Variants in NEDD4 observed in about 807,000 individuals in gnomAD.
NEDD4 encodes the protein E3 ubiquitin-protein ligase NEDD4.
NEDD4 carries 99 observed loss-of-function variants against 144.9 expected under a neutral mutation model. The observed-to-expected ratio is 0.68, with a 90% confidence interval of 0.58 to 0.81. The LOEUF (loss-of-function observed/expected upper bound fraction) is 0.81. Among genes scored for constraint, NEDD4 ranks in the 30% least tolerant of loss-of-function variants. NEDD4 has a pLI of 0.00. For synonymous variants in NEDD4, 318 were observed against 350.6 expected (o/e 0.91, Z 1.04); for missense variants, 985 against 1,065.9 (o/e 0.92, Z 1.06).
intron 17 of NEDD4, among the ~76,000 whole-genome samples, chr15:55,847,707 C>T (rs1304482029): frequency 7.0e-6 from 1 of 143,206 alleles, no homozygotes; most frequent in Non-Finnish European, 1.5e-5. Flanking sequence ...GATGGAGTCT[C>T]GCTCTGTTGT....
intron 5 of NEDD4, among the ~76,000 whole-genome samples, chr15:55,913,997 T>C (rs2036354062): frequency 6.6e-6 from 1 of 151,980 alleles, no homozygotes; most frequent in South Asian, 2.1e-4. Flanking sequence ...TAAAATCTGG[T>C]TTTAGAAAAG....
rs1255801884 is a variant in NEDD4 at position 55,846,843 on chromosome 15, C to T, written c.1608+126G>A. On this transcript the variant is annotated intron_variant, in intron 18 of 28. Coordinates refer to ENST00000435532, the MANE Select transcript of NEDD4 (RefSeq NM_006154.4). Reference sequence around the variant, plus strand: ...TACTCAAAAAATGAGCATCCTTTCTCTAGGAAAAACTGTTCACTCAAAGTT... The same window carrying T: ...TACTCAAAAAATGAGCATCCTTTCTTTAGGAAAAACTGTTCACTCAAAGTT... 11 of 532,108 alleles carry T rather than the reference C, an allele frequency of 2.1e-5. 1 individual carries two copies. Among genetic ancestry groups the T allele is most frequent in the East Asian group, 1.4e-4 (4 of 28,932 alleles). The allele number at this position is 532,108 out of a possible 1,614,324, so 33.0% of individuals were successfully genotyped here.
intron 2 of NEDD4, among the ~76,000 whole-genome samples, chr15:55,959,485 G>A (rs967128): frequency 0.77 from 117,718 of 152,136 alleles, 45,786 homozygotes; most frequent in African/African-American, 0.84. Context: ...TTCAAGGCCC[G>A]GAATATTGTG....
intron 5 of NEDD4, among the ~76,000 whole-genome samples, chr15:55,922,750 C>G (rs1479379707): frequency 6.6e-6 from 1 of 152,030 alleles, no homozygotes; most frequent in African/African-American, 2.4e-5. Flanking sequence ...AGGACAGTGG[C>G]TAGTACTTGT....
At chr15:55,833,250 A>G in intron 26 of NEDD4, 146 bp from the exon 27 acceptor site, 1 of 587,306 alleles carries the variant, frequency 1.7e-6, no homozygotes, top group South Asian at 2.5e-5. Context: ...TTGTTTATAG[A>G]TGGTTTATAA....
At chr15:55,982,424 A>G (rs541060742) in intron 1 of NEDD4, among the ~76,000 whole-genome samples, 46 of 152,356 alleles carry the variant, frequency 3.0e-4, no homozygotes, top group African/African-American at 1.1e-3. Flanking sequence ...ACTATTCACC[A>G]AGAAAAAGAA....
intron 5 of NEDD4, among the ~76,000 whole-genome samples, chr15:55,906,129 A>G (rs867123980): frequency 4.6e-5 from 7 of 152,262 alleles, no homozygotes; most frequent in Middle Eastern, 3.4e-3. Flanking sequence ...AAGTCAGGAA[A>G]CAACAGGTGC....
At position 55,834,298 on chromosome 15, in the gene NEDD4, A is replaced by G. The variant is rs1376017778; in HGVS notation, c.2263-12T>C. On this transcript the variant is annotated splice_polypyrimidine_tract_variant and intron_variant, in intron 24 of 28. Transcript: ENST00000435532. Reference sequence around the variant, plus strand: ...AGTTCAAAGAATCCCTAGAAAAAAGATGTATTTAAAAACTTGATGGGCAGG... The same window carrying G: ...AGTTCAAAGAATCCCTAGAAAAAAGGTGTATTTAAAAACTTGATGGGCAGG... 2 of 1,585,368 alleles carry G rather than the reference A, an allele frequency of 1.3e-6. No homozygotes were observed. The highest frequency in any genetic ancestry group is 1.7e-6 in the Non-Finnish European group (2 of 1,156,508).
chr15:55,834,250 T>C lies in NEDD4; in HGVS notation c.2299A>G (p.Ile767Val), dbSNP rs1355933359. The C allele has an allele frequency of 8.7e-6, 14 of 1,610,386 alleles. No individual in the cohort carries two copies. Among genetic ancestry groups the C allele is most frequent in the Non-Finnish European group, 1.1e-5 (13 of 1,176,920 alleles). ...FELIPQDLIK[I>V]FDENELELLM... The stretch of plus-strand genomic sequence containing the variant: ...ACCTCTAGTTCATTTTCATCAAAAA[T>C]TTTGATGAGATCCTGTGGTATTAGT... Residue 767 changes from isoleucine to valine, a missense_variant, in exon 25 of 29, where the codon ATT (isoleucine) becomes GTT (valine). By Grantham distance (29) the Ile-to-Val change is conservative. Coordinates refer to ENST00000435532, the MANE Select transcript of NEDD4 (RefSeq NM_006154.4).
At position 55,848,549 on chromosome 15, in the gene NEDD4, T is replaced by C; in HGVS notation, c.1455A>G (p.Thr485=). ...GATTTATGTAGAAGATTCTTCCATC[T>C]GTGTGAGTTCTCTCTTCCCATCCTG... ...LPPGWEERTH[T]DGRIFYINHN... is the part of the protein sequence containing the mutation. Residue 485 remains threonine, a synonymous_variant, in exon 16 of 29, where the codon ACA becomes ACG. Transcript: ENST00000435532. 6.2e-7 allele frequency: 1 copy of C among 1,613,606 alleles called. No homozygotes were observed. The highest frequency in any genetic ancestry group is 1.7e-4 in the Middle Eastern group (1 of 5,876).
At chr15:55,845,583 G>A (rs1255749525) in intron 18 of NEDD4, among the ~76,000 whole-genome samples, 1 of 151,676 alleles carries the variant, frequency 6.6e-6, no homozygotes, top group Non-Finnish European at 1.5e-5. Context: ...CCTGCTGCCT[G>A]GAAGACATTA....
At chr15:55,929,145 A>T (rs1220817399) in intron 4 of NEDD4, among the ~76,000 whole-genome samples, 2 of 152,138 alleles carry the variant, frequency 1.3e-5, no homozygotes, top group Non-Finnish European at 2.9e-5. Context: ...GAAAGAACAG[A>T]GTGTCAAAGC....
intron 1 of NEDD4, among the ~76,000 whole-genome samples, chr15:55,972,347 C>T (rs867784763): frequency 2.0e-4 from 30 of 151,920 alleles, no homozygotes; most frequent in African/African-American, 6.8e-4. Flanking sequence ...TATAATAAGA[C>T]AAAAATAGAA....
chr15:55,886,127 G>A (rs1466938282), intron 5 of NEDD4, among the ~76,000 whole-genome samples: 1 of 151,920 alleles, frequency 6.6e-6, no homozygotes, highest in Non-Finnish European at 1.5e-5. Context: ...ATAACAAATG[G>A]GTCAATTCAA....
At chr15:55,891,571 T>C in intron 5 of NEDD4, among the ~76,000 whole-genome samples, 1 of 152,182 alleles carries the variant, frequency 6.6e-6, no homozygotes, top group East Asian at 1.9e-4. Context: ...TAAAACAAAT[T>C]TGCATTTGGT....
At chr15:55,858,557 C>T (rs1181177693) in intron 11 of NEDD4, among the ~76,000 whole-genome samples, 1 of 152,022 alleles carries the variant, frequency 6.6e-6, no homozygotes, top group African/African-American at 2.4e-5. Flanking sequence ...ATCTATAATC[C>T]CAGCCTCCCA....
chr15:55,873,551 A>G (rs2034883382), intron 6 of NEDD4, among the ~76,000 whole-genome samples: 1 of 152,132 alleles, frequency 6.6e-6, no homozygotes, highest in South Asian at 2.1e-4. Flanking sequence ...CTATTTTGCA[A>G]TGTTTCCTGA....
intron 5 of NEDD4, among the ~76,000 whole-genome samples, chr15:55,881,844 TA>T (rs1344416944): frequency 6.6e-6 from 1 of 152,128 alleles, no homozygotes; most frequent in African/African-American, 2.4e-5. Flanking sequence ...TCGAGCCAGA[TA>T]ATTTTTTTTT....
chr15:55,837,746 A>T (rs1395497676), intron 24 of NEDD4, 43 bp downstream of exon 24: 1 of 1,450,820 alleles, frequency 6.9e-7, no homozygotes, highest in East Asian at 2.3e-5. Context: ...CTTATAGGTT[A>T]TACTGTGACA....
Sources: gnomAD v4.1 joint callset for allele counts (sites outside exome capture counted in the v4.1 genomes callset) on GRCh38, gnomAD v4.1.1 for gene constraint, MANE v1.5 for transcripts, NCBI Gene and HGNC (gene_info 2026-07-23, HGNC 2026-07-21) for gene names.